The following PRG4 variants were observed in gnomAD, a reference collection of about 807,000 sequenced individuals.
The protein encoded by PRG4 is articular superficial zone protein.
In PRG4, 61 loss-of-function variants were observed where a neutral mutation model predicts 91.2. The observed-to-expected ratio is 0.67, with a 90% confidence interval of 0.54 to 0.83. PRG4 has a LOEUF of 0.83. Among genes scored for constraint, PRG4 ranks in the 40% least tolerant of loss-of-function variants. The probability of loss-of-function intolerance (pLI) is 0.00; values close to 1 mark genes in which losing one functional copy is unlikely to be tolerated. For synonymous variants in PRG4, 576 were observed against 614.2 expected, an observed-to-expected ratio of 0.94 and a Z score of 0.92; for missense variants, 1,564 against 1,714.2, an observed-to-expected ratio of 0.91 and a Z score of 1.55.
Position 186,307,476 on chromosome 1 carries a change from C to A in PRG4, c.1757C>A (p.Pro586His), listed in dbSNP as rs377217704. 1.9e-6 allele frequency: 3 copies of A among 1,577,628 alleles called. No homozygotes were observed. The highest frequency in any genetic ancestry group is 2.6e-6 in the Non-Finnish European group (3 of 1,160,788). The change falls in exon 7 of 13, where the codon CCC (proline) becomes CAC (histidine). Residue 586 changes from proline to histidine, a missense_variant. Around this residue, in one of 3 missense-constraint regions of PRG4, gnomAD observed 1,079 missense variants for 1,162.2 expected, o/e 0.93. Transcript: ENST00000445192. ...PAPTTPKEPA[P>H]TTPKEPAPTT... is the part of the protein sequence containing the mutation. Reference sequence around the variant, plus strand: ...CCAACTACCCCCAAGGAGCCTGCACCCACCACTCCCAAGGAACCTGCACCC... The same window carrying A: ...CCAACTACCCCCAAGGAGCCTGCACACACCACTCCCAAGGAACCTGCACCC...
Position 186,301,707 on chromosome 1 carries a change from A to G in PRG4, c.315A>G (p.Ala105=). The G allele has an allele frequency of 6.2e-7, 1 of 1,613,852 alleles. No individual in the cohort carries two copies. Among genetic ancestry groups the G allele is most frequent in the Non-Finnish European group, 8.5e-7 (1 of 1,179,722 alleles). Reference sequence around the variant, plus strand: ...GTCCCGATTATGAGAGTTTCTGTGCAGAAGGTAAGCATCACAGTACCAACC... The same window carrying G: ...GTCCCGATTATGAGAGTTTCTGTGCGGAAGGTAAGCATCACAGTACCAACC... ...KCCPDYESFC[A]EVHNPTSPPS... The change falls in exon 4 of 13, where the codon GCA becomes GCG. Residue 105 remains alanine, a synonymous_variant. Transcript: ENST00000445192.
Position 186,304,896 on chromosome 1 carries a change from A to G in PRG4, c.572A>G (p.Asn191Ser). Residue 191 changes from asparagine (N) to serine (S), a missense_variant, in exon 6 of 13, where the codon AAT becomes AGT. By Grantham distance (46) the Asn-to-Ser change is conservative. Around this residue, in one of 3 missense-constraint regions of PRG4, gnomAD observed 437 missense variants for 459.0 expected, o/e 0.95. Transcript: ENST00000445192. ...KIKSSKNSAA[N>S]RELQKKLKVK... ...AAGTCTTCCAAAAATTCAGCTGCTA[A>G]TAGAGAATTACAGAAGAAACTCAAA... is the stretch of plus-strand genomic sequence containing the variant. 6.2e-7 allele frequency: 1 copy of G among 1,613,368 alleles called. No individual in the cohort carries two copies. Among genetic ancestry groups the G allele is most frequent in the South Asian group, 1.1e-5 (1 of 91,044 alleles).
rs1303102439 is a variant in PRG4, at chr1:186,307,099, A to G, written c.1380A>G (p.Thr460=). Residue 460 remains threonine (T), a synonymous_variant, in exon 7 of 13, where the codon ACA becomes ACG. Transcript: ENST00000445192. Reference sequence around the variant, plus strand: ...CACCCACCACTCCCAAGGAGCCTACACCCACCACTCCCAAGGAGCCTGCAC... The same window carrying G: ...CACCCACCACTCCCAAGGAGCCTACGCCCACCACTCCCAAGGAGCCTGCAC... ...EPAPTTPKEP[T]PTTPKEPAPT... The G allele has an allele frequency of 1.3e-6, 2 of 1,514,750 alleles. No individual in the cohort carries two copies. The highest frequency in any genetic ancestry group is 1.8e-6 in the Non-Finnish European group (2 of 1,132,384). The allele number at this position is 1,514,750 out of a possible 1,614,324, so 93.8% of individuals were successfully genotyped here.
chr1:186,309,816 A>G lies in PRG4; in HGVS notation c.3445A>G (p.Lys1149Glu). 6.2e-7 allele frequency: 1 copy of G among 1,613,554 alleles called. No individual in the cohort carries two copies. Among genetic ancestry groups the G allele is most frequent in the Non-Finnish European group, 8.5e-7 (1 of 1,179,504 alleles). ...LSDETNICNG[K>E]PVDGLTTLRN... ...AGATGAGACCAATATATGCAATGGT[A>G]AGCCAGTAGATGGACTGACTACTTT... The change falls in exon 8 of 13, where the codon AAG becomes GAG. Residue 1149 changes from lysine (K) to glutamate (E), a missense_variant. Coordinates refer to ENST00000445192, the MANE Select transcript of PRG4 (RefSeq NM_005807.6).
chr1:186,307,674 C>T lies in PRG4; in HGVS notation c.1955C>T (p.Thr652Ile), dbSNP rs1424947763. ...ACCCCTGAGGAGCTCGCACCCACCACCCCTGAGGAGCCCACACCCACCACC... is the reference window on the plus strand; with the variant it reads ...ACCCCTGAGGAGCTCGCACCCACCATCCCTGAGGAGCCCACACCCACCACC... ...PTTPEELAPTTPEEPTPTTPE... is the reference protein window; with the variant it reads ...PTTPEELAPTIPEEPTPTTPE... Residue 652 changes from threonine to isoleucine, a missense_variant, in exon 7 of 13, where the codon ACC becomes ATC. Coordinates refer to ENST00000445192, the MANE Select transcript of PRG4 (RefSeq NM_005807.6). 2.5e-6 allele frequency: 4 copies of T among 1,607,478 alleles called. No homozygotes were observed. The highest frequency in any genetic ancestry group is 3.4e-6 in the Non-Finnish European group (4 of 1,178,156).
At chr1:186,299,022 T>C (rs1656032827) in intron 2 of PRG4, among the ~76,000 whole-genome samples, 2 of 152,232 alleles carry the variant, frequency 1.3e-5, no homozygotes, top group South Asian at 2.1e-4. Flanking sequence ...TCTATTCTTT[T>C]AAGATTTGTT....
intron 8 of PRG4, 81 bp downstream of exon 8, chr1:186,309,951 G>A (rs994823934): frequency 3.5e-5 from 42 of 1,195,372 alleles, no homozygotes; most frequent in Non-Finnish European, 5.0e-5. Flanking sequence ...AAGAGTGCTA[G>A]TTTGGGTTGT....
chr1:186,296,703 A>T, intron 1 of PRG4, 143 bp from the exon 2 acceptor site: 1 of 616,786 alleles, frequency 1.6e-6, no homozygotes, highest in Non-Finnish European at 2.9e-6. Context: ...CTATAAAATT[A>T]AAGCTGATTT....
intron 10 of PRG4, 86 bp from the exon 11 acceptor site, chr1:186,312,089 T>C: frequency 8.9e-7 from 1 of 1,120,938 alleles, no homozygotes; most frequent in Non-Finnish European, 1.3e-6. Context: ...AACTGTTTCC[T>C]ATACATTGTA....
rs1442724015 is a variant in PRG4, at chr1:186,306,756, C to T, written c.1037C>T (p.Thr346Ile). 6.2e-7 allele frequency: 1 copy of T among 1,613,484 alleles called. No homozygotes were observed. Among genetic ancestry groups the T allele is most frequent in the Non-Finnish European group, 8.5e-7 (1 of 1,179,740 alleles). ...ACAACCAAAGGCCCTGCTCTCACCA[C>T]TCCCAAGGAGCCCACGCCCACCACT... ...ETTTKGPALT[T>I]PKEPTPTTPK... The change falls in exon 7 of 13, where the codon ACT becomes ATT. Residue 346 changes from threonine to isoleucine, a missense_variant. Around this residue, in one of 3 missense-constraint regions of PRG4, gnomAD observed 437 missense variants for 459.0 expected, o/e 0.95. Transcript: ENST00000445192.
At chr1:186,311,278 G>C in intron 9 of PRG4, 108 bp downstream of exon 9, 1 of 1,429,720 alleles carries the variant, frequency 7.0e-7, no homozygotes, top group Non-Finnish European at 9.8e-7. Flanking sequence ...TAAATACTCT[G>C]TCATCAAAAT....
chr1:186,301,801 C>T (rs1656237307), intron 4 of PRG4, 90 bp downstream of exon 4: 13 of 1,479,934 alleles, frequency 8.8e-6, no homozygotes, highest in East Asian at 6.8e-5. Context: ...ACACGCAGTC[C>T]ATCTTAGGCC....
intron 1 of PRG4, 30 bp from the exon 2 acceptor site, chr1:186,296,816 T>C: frequency 8.2e-7 from 1 of 1,222,414 alleles, no homozygotes; most frequent in Non-Finnish European, 1.2e-6. Flanking sequence ...ATGAAAGAGC[T>C]GTTTTCTGAT....
At position 186,296,962 on chromosome 1, in the gene PRG4, C is replaced by T. The variant is rs1432910565; in HGVS notation, c.76+11C>T. 6.2e-7 allele frequency: 1 copy of T among 1,603,614 alleles called. No individual in the cohort carries two copies. Among genetic ancestry groups the T allele is most frequent in the South Asian group, 1.1e-5 (1 of 90,860 alleles). ...AAGTTTCATCTCAAGGTAGCTTAAC[C>T]ATCGAACATACTTTTATTTAACAAC... On this transcript the variant is annotated intron_variant, in intron 2 of 12. Coordinates refer to ENST00000445192, the MANE Select transcript of PRG4 (RefSeq NM_005807.6).
In PRG4 at chr1:186,301,511, C is replaced by T. The variant is rs139980398; in HGVS notation, c.200-81C>T. The T allele has an allele frequency of 2.7e-4, 431 of 1,591,642 alleles. 3 individuals carry two copies. In the African/African-American group the frequency reaches 5.3e-3, roughly 19 times the overall value. On this transcript the variant is annotated intron_variant, in intron 3 of 12. Transcript: ENST00000445192. ...TGAACTTTTGGAAACCTAGTCAAGT[C>T]TAAGGTGGGAAATGGCTGTCAAATA... is the stretch of plus-strand genomic sequence containing the variant.
chr1:186,309,957 G>A (rs1050859009), intron 8 of PRG4, 87 bp downstream of exon 8: 6 of 1,131,856 alleles, frequency 5.3e-6, no homozygotes, highest in Admixed American at 1.7e-5. Flanking sequence ...GCTAGTTTGG[G>A]TTGTTTTCTG....
chr1:186,304,382 G>A (rs1019269305), intron 5 of PRG4, 125 bp downstream of exon 5: 6 of 1,150,324 alleles, frequency 5.2e-6, no homozygotes, highest in African/African-American at 3.1e-5. Context: ...CATTACACTC[G>A]AAGGTTTTAG....
intron 2 of PRG4, among the ~76,000 whole-genome samples, chr1:186,298,047 A>G (rs1432231802): frequency 6.6e-6 from 1 of 152,204 alleles, no homozygotes; most frequent in Non-Finnish European, 1.5e-5. Flanking sequence ...TCACTAAAAC[A>G]GTGTTACTTT....
Position 186,308,416 on chromosome 1 carries a change from T to G in PRG4, c.2697T>G (p.Pro899=), listed in dbSNP as rs1437091474. The change falls in exon 7 of 13, where the codon CCT becomes CCG. Residue 899 remains proline, a synonymous_variant. Transcript: ENST00000445192. ...LENSPKEPGV[P]TTKTPAATKP... is the part of the protein sequence containing the mutation. ...ACAGTCCCAAGGAACCTGGTGTACC[T>G]ACAACTAAGACTCCTGCAGCGACTA... 6.2e-7 allele frequency: 1 copy of G among 1,613,738 alleles called. No individual in the cohort carries two copies. Among genetic ancestry groups the G allele is most frequent in the Non-Finnish European group, 8.5e-7 (1 of 1,180,040 alleles).
Sources: gnomAD v4.1 joint callset for allele counts (sites outside exome capture counted in the v4.1 genomes callset) on GRCh38, gnomAD v4.1.1 for gene constraint, gnomAD v4.1.1 regional missense constraint, MANE v1.5 for transcripts, NCBI Gene and HGNC (gene_info 2026-07-23, HGNC 2026-07-21) for gene names.